Variants in PSTPIP2 observed in about 807,000 individuals in gnomAD.
The protein encoded by PSTPIP2 is proline-serine-threonine phosphatase interacting protein 2.
Under a neutral mutation model 63.3 loss-of-function variants are expected in PSTPIP2, and 33 were observed. The observed-to-expected ratio is 0.52, with a 90% CI of 0.40 to 0.70. The LOEUF is 0.70. Ranked by LOEUF, PSTPIP2 falls within the 30% of genes least tolerant of loss-of-function variation. PSTPIP2 has a pLI of 0.00. For synonymous variants in PSTPIP2, 125 were observed against 132.7 expected, an observed-to-expected ratio of 0.94 and a Z score of 0.40; for missense variants, 312 against 400.7, an observed-to-expected ratio of 0.78 and a Z score of 1.89.
chr18:46,008,820 C>T (rs1460421502), intron 5 of PSTPIP2, among the ~76,000 whole-genome samples: 2 of 152,114 alleles, frequency 1.3e-5, no homozygotes, highest in Non-Finnish European at 2.9e-5. Flanking sequence ...GAAGAAACCT[C>T]ATGACCCTCA....
At chr18:46,054,456 C>T (rs1355219165) in intron 1 of PSTPIP2, among the ~76,000 whole-genome samples, 3 of 152,086 alleles carry the variant, frequency 2.0e-5, no homozygotes, top group African/African-American at 7.2e-5. Flanking sequence ...TTTGTCAAAA[C>T]CCATGGGACA....
chr18:46,025,676 C>G (rs1907552536), intron 2 of PSTPIP2, among the ~76,000 whole-genome samples: 2 of 140,722 alleles, frequency 1.4e-5, no homozygotes, highest in Admixed American at 1.4e-4. Context: ...CCAGTTTTCA[C>G]TACCACTAAA....
At chr18:45,992,371 G>A (rs2051545121) in intron 10 of PSTPIP2, among the ~76,000 whole-genome samples, 169 bp from the exon 11 acceptor site, 1 of 151,826 alleles carries the variant, frequency 6.6e-6, no homozygotes, top group African/African-American at 2.4e-5. Flanking sequence ...GACCAGCCTG[G>A]CCAACATAGT....
At chr18:45,998,951 T>A (rs1001520291) in intron 7 of PSTPIP2, 112 bp from the exon 8 acceptor site, 1 of 1,099,312 alleles carries the variant, frequency 9.1e-7, no homozygotes, top group African/African-American at 1.5e-5. Context: ...CCAGGTCTAG[T>A]GCAAGTCCTG....
chr18:46,047,469 T>C (rs190275752), intron 1 of PSTPIP2, among the ~76,000 whole-genome samples: 4 of 152,158 alleles, frequency 2.6e-5, no homozygotes, highest in African/African-American at 4.8e-5. Context: ...AGGAGTGCTG[T>C]AGCCTGTAGC....
At chr18:45,987,040 A>C (rs1200556754) in intron 14 of PSTPIP2, among the ~76,000 whole-genome samples, 1 of 152,056 alleles carries the variant, frequency 6.6e-6, no homozygotes, top group African/African-American at 2.4e-5. Flanking sequence ...TTTAGTAGAG[A>C]TGGGGTTTCA....
chr18:46,026,743 C>T (rs373983747), intron 2 of PSTPIP2, among the ~76,000 whole-genome samples: 8 of 152,120 alleles, frequency 5.3e-5, no homozygotes, highest in Non-Finnish European at 7.4e-5. Context: ...ATGAAATAAA[C>T]GGGTGTGGTG....
At chr18:46,066,532 GAGA>G (rs1483491111) in intron 1 of PSTPIP2, among the ~76,000 whole-genome samples, 6 of 152,260 alleles carry the variant, frequency 3.9e-5, no homozygotes, top group African/African-American at 4.8e-5. Flanking sequence ...GTGGGGAATG[GAGA>G]AGAAGTTCCT....
chr18:46,020,661 A>G (rs1225959864), intron 3 of PSTPIP2, among the ~76,000 whole-genome samples: 1 of 152,162 alleles, frequency 6.6e-6, no homozygotes, highest in Non-Finnish European at 1.5e-5. Context: ...CAAAAAAAAA[A>G]TCATCCACTG....
chr18:46,018,963 A>G lies in PSTPIP2; in HGVS notation c.213-3026T>C, dbSNP rs145252889. On this transcript the variant is annotated intron_variant, in intron 3 of 14. Transcript: ENST00000409746. ...TACCATGTTGTGGATATGGAAGACC[A>G]TGACTCATTTTTCATTCCTTCTCTC... Among the ~76,000 whole-genome samples, 811 of 152,284 alleles carry G rather than the reference A, an allele frequency of 5.3e-3. 9 individuals are homozygous for G. The highest frequency in any genetic ancestry group is 0.012 in the African/African-American group (485 of 41,556).
chr18:46,013,863 T>C (rs1351046435), intron 4 of PSTPIP2, among the ~76,000 whole-genome samples: 1 of 152,124 alleles, frequency 6.6e-6, no homozygotes, highest in East Asian at 1.9e-4. Context: ...ACATTGGTAT[T>C]TCCAAAGACT....
chr18:45,998,992 A>G (rs1468831882), intron 7 of PSTPIP2, among the ~76,000 whole-genome samples, 153 bp from the exon 8 acceptor site: 3 of 152,198 alleles, frequency 2.0e-5, no homozygotes, highest in Non-Finnish European at 2.9e-5. Context: ...AAATCATTCA[A>G]CGTGCCCTGC....
intron 1 of PSTPIP2, among the ~76,000 whole-genome samples, chr18:46,061,464 T>C (rs967668888): frequency 6.6e-6 from 1 of 152,194 alleles, no homozygotes; most frequent in Non-Finnish European, 1.5e-5. Context: ...TTCCTGCCCA[T>C]GCTGCCCAGG....
At position 45,985,233 on chromosome 18, in the gene PSTPIP2, A is replaced by T; in HGVS notation, c.*226T>A. On this transcript the variant is annotated 3_prime_UTR_variant, in exon 15 of 15. Coordinates refer to ENST00000409746, the MANE Select transcript of PSTPIP2 (RefSeq NM_024430.4). The stretch of plus-strand genomic sequence containing the variant: ...ATAACCTGAGTAACTGGGAAAGAAT[A>T]ATTCTTCAGAATGGGGCAATTTGTA... The T allele has an allele frequency of 1.7e-6, 1 of 572,352 alleles. No individual in the cohort carries two copies. The highest frequency in any genetic ancestry group is 3.0e-6 in the Non-Finnish European group (1 of 329,946). The allele number at this position is 572,352 out of a possible 1,614,324, so 35.5% of individuals were successfully genotyped here. A position where few individuals can be genotyped will look rare whatever the true frequency, so the allele number is the denominator to read the frequency against.
chr18:46,043,105 G>A, intron 1 of PSTPIP2, among the ~76,000 whole-genome samples: 1 of 151,876 alleles, frequency 6.6e-6, no homozygotes. Context: ...AGAAAAAGGG[G>A]CCAGGTGTGG....
chr18:46,026,527 T>C lies in PSTPIP2; in HGVS notation c.135-1841A>G, dbSNP rs554045338. 1.1e-4 allele frequency among the ~76,000 whole-genome samples: 16 copies of C among 152,348 alleles called. No homozygotes were observed. In the South Asian group the frequency reaches 3.1e-3, roughly 30 times the overall value. On this transcript the variant is annotated intron_variant, in intron 2 of 14. Coordinates refer to ENST00000409746, the MANE Select transcript of PSTPIP2 (RefSeq NM_024430.4). ...ATTTGTCTTTTCTAAATAATGATTT[T>C]ACCCAATTTATTAAAATGATACATG... is the stretch of plus-strand genomic sequence containing the variant.
chr18:46,004,277 C>T (rs1016491191), intron 6 of PSTPIP2, among the ~76,000 whole-genome samples: 55 of 152,170 alleles, frequency 3.6e-4, no homozygotes, highest in African/African-American at 6.0e-4. Flanking sequence ...ATGCTATCAA[C>T]ACTGGTGACA....
chr18:46,024,376 G>A (rs1020887710), intron 3 of PSTPIP2, among the ~76,000 whole-genome samples: 4 of 152,048 alleles, frequency 2.6e-5, no homozygotes, highest in African/African-American at 9.7e-5. Flanking sequence ...GGGCCCAAGC[G>A]ATCCACCTGC....
In PSTPIP2 at chr18:46,062,190, TCCTTCCAG is replaced by T. The variant is rs962159640; in HGVS notation, c.33+9958_33+9965del. 1.4e-4 allele frequency among the ~76,000 whole-genome samples: 22 copies of T among 152,240 alleles called. No individual in the cohort carries two copies. In the East Asian group the frequency reaches 3.5e-3, roughly 24 times the overall value. ...TACCCTGAACAGCTTATTCAAGTCTTCCTTCCAGCCTTCCAGCCTTGTGCCACACCATC... is the reference window on the plus strand; with the variant it reads ...TACCCTGAACAGCTTATTCAAGTCTTCCTTCCAGCCTTGTGCCACACCATC... On this transcript the variant is annotated intron_variant, in intron 1 of 14. Coordinates refer to ENST00000409746, the MANE Select transcript of PSTPIP2 (RefSeq NM_024430.4).
Sources: gnomAD v4.1 joint callset for allele counts (sites outside exome capture counted in the v4.1 genomes callset) on GRCh38, gnomAD v4.1.1 for gene constraint, MANE v1.5 for transcripts, NCBI Gene and HGNC (gene_info 2026-07-23, HGNC 2026-07-21) for gene names.